The following NCKAP1L variants were observed in gnomAD, a reference collection of about 807,000 sequenced individuals.
NCKAP1L encodes nck-associated protein 1-like.
A neutral mutation model predicts 139.2 loss-of-function variants in NCKAP1L; 53 were observed. The ratio of observed to expected loss-of-function variants is 0.38; its 90% CI spans 0.31 to 0.48. The LOEUF (loss-of-function observed/expected upper bound fraction) is 0.48. Ranked by LOEUF, NCKAP1L falls within the 20% of genes least tolerant of loss-of-function variation. NCKAP1L has a pLI of 0.98. For synonymous variants in NCKAP1L, 468 were observed against 499.7 expected (o/e 0.94, Z 0.85); for missense variants, 1,151 against 1,381.9 (o/e 0.83, Z 2.65).
intron 1 of NCKAP1L, chr12:54,498,847 G>T: frequency 1.0e-6 from 1 of 982,954 alleles, no homozygotes; most frequent in East Asian, 1.1e-4. Flanking sequence ...TTGTTATTTC[G>T]CTCTTAGATA....
At position 54,540,748 on chromosome 12, in the gene NCKAP1L, C is replaced by T. The variant is rs140230335; in HGVS notation, c.3273+1775C>T. Reference sequence around the variant, plus strand: ...TCAGGTTGGAGGTGATTCTGTATTACCCACCTGTATTCTTACCTCCTTCTG... The same window carrying T: ...TCAGGTTGGAGGTGATTCTGTATTATCCACCTGTATTCTTACCTCCTTCTG... On this transcript the variant is annotated intron_variant, in intron 30 of 30. Coordinates refer to ENST00000293373, the MANE Select transcript of NCKAP1L (RefSeq NM_005337.5). Among the ~76,000 whole-genome samples, 60 of 152,286 alleles carry T rather than the reference C, an allele frequency of 3.9e-4. No homozygotes were observed. In the East Asian group the frequency reaches 8.1e-3, roughly 21 times the overall value.
At chr12:54,506,796 A>AAAAAAATATATATATATAT in intron 3 of NCKAP1L, among the ~76,000 whole-genome samples, 115 of 50,582 alleles carry the variant, frequency 2.3e-3, no homozygotes, top group African/African-American at 2.9e-3. Flanking sequence ...AAAAAAAAAA[A>AAAAAAATATATATATATAT]ATATATATAT....
At chr12:54,536,615 G>C (rs909464881) in intron 28 of NCKAP1L, 2 of 302,948 alleles carry the variant, frequency 6.6e-6, no homozygotes, top group Admixed American at 4.8e-5. Flanking sequence ...CCATGATTGC[G>C]CCACTGCACT....
chr12:54,520,500 C>T (rs571061194), intron 16 of NCKAP1L, among the ~76,000 whole-genome samples, 194 bp from the exon 17 acceptor site: 2 of 152,204 alleles, frequency 1.3e-5, no homozygotes, highest in Admixed American at 6.5e-5. Context: ...TCTTGGGTTC[C>T]GTTCTATCTT....
At chr12:54,501,768 A>G (rs1034265769) in intron 3 of NCKAP1L, among the ~76,000 whole-genome samples, 2 of 152,184 alleles carry the variant, frequency 1.3e-5, no homozygotes, top group Non-Finnish European at 2.9e-5. Context: ...GGCCTCCCAA[A>G]GGCTGGACTG....
intron 3 of NCKAP1L, among the ~76,000 whole-genome samples, chr12:54,505,137 C>A (rs1956830039): frequency 6.6e-6 from 1 of 152,188 alleles, no homozygotes; most frequent in Non-Finnish European, 1.5e-5. Flanking sequence ...TTTCTGCATT[C>A]ATTCAGCAAG....
At chr12:54,525,432 T>C (rs1957018638) in intron 20 of NCKAP1L, among the ~76,000 whole-genome samples, 1 of 152,206 alleles carries the variant, frequency 6.6e-6, no homozygotes, top group African/African-American at 2.4e-5. Flanking sequence ...GCATACACAA[T>C]GTCAGGAAGA....
intron 3 of NCKAP1L, among the ~76,000 whole-genome samples, chr12:54,505,339 A>C (rs532232317): frequency 6.6e-6 from 1 of 152,300 alleles, no homozygotes; most frequent in East Asian, 1.9e-4. Flanking sequence ...ATAAGTAAGA[A>C]GCACTTTTCC....
intron 3 of NCKAP1L, among the ~76,000 whole-genome samples, chr12:54,506,792 A>ATATATATATATATATATATAT (rs1555170876): frequency 8.6e-5 from 2 of 23,150 alleles, no homozygotes; most frequent in Admixed American, 5.9e-4. Context: ...TATTAAAAAA[A>ATATATATATATATATATATAT]AAAAATATAT....
At chr12:54,524,016 CTA>C in intron 20 of NCKAP1L, 60 bp downstream of exon 20, 1 of 1,548,548 alleles carries the variant, frequency 6.5e-7, no homozygotes, top group Admixed American at 1.8e-5. Context: ...CCATATACCT[CTA>C]TGTGTAGTAT....
At position 54,539,110 on chromosome 12, in the gene NCKAP1L, T is replaced by C. The variant is rs1957136988; in HGVS notation, c.3273+137T>C. On this transcript the variant is annotated intron_variant, in intron 30 of 30. Coordinates refer to ENST00000293373, the MANE Select transcript of NCKAP1L (RefSeq NM_005337.5). ...AAGGACTTAACTCTGCATAACCCTC[T>C]GAATGTAGTCCTCACATTCTGATTA... 7.4e-6 allele frequency: 5 copies of C among 675,102 alleles called. No homozygotes were observed. In the South Asian group the frequency reaches 8.8e-5, roughly 12 times the overall value. The allele number at this position is 675,102 out of a possible 1,614,324, so 41.8% of individuals were successfully genotyped here.
In NCKAP1L at chr12:54,497,777, C is replaced by G; in HGVS notation, c.-13C>G. The G allele has an allele frequency of 6.4e-7, 1 of 1,565,600 alleles. No individual in the cohort carries two copies. The highest frequency in any genetic ancestry group is 1.1e-5 in the South Asian group (1 of 90,020). ...AGACATTGCTGTCTGGTGCTCCTCT[C>G]TCAGTGGCCATCATGTCTTTGACAT... is the stretch of plus-strand genomic sequence containing the variant. On this transcript the variant is annotated 5_prime_UTR_variant, in exon 1 of 31. Transcript: ENST00000293373.
intron 3 of NCKAP1L, among the ~76,000 whole-genome samples, chr12:54,507,237 G>C (rs1372802036): frequency 1.3e-5 from 2 of 152,152 alleles, no homozygotes; most frequent in Non-Finnish European, 2.9e-5. Context: ...TGTGGGTGCT[G>C]ATGTTGGGGG....
At chr12:54,499,037 T>C (rs1956774855) in intron 1 of NCKAP1L, among the ~76,000 whole-genome samples, 1 of 152,070 alleles carries the variant, frequency 6.6e-6, no homozygotes, top group African/African-American at 2.4e-5. Context: ...GCGATTCTCC[T>C]GCCTCAGCCT....
chr12:54,542,698 A>C lies in NCKAP1L; in HGVS notation c.*13A>C. 1.3e-6 allele frequency: 2 copies of C among 1,530,336 alleles called. No individual in the cohort carries two copies. Among genetic ancestry groups the C allele is most frequent in the Non-Finnish European group, 1.8e-6 (2 of 1,123,402 alleles). 94.8% of individuals were successfully genotyped at this position (1,530,336 alleles called of 1,614,324 possible). On this transcript the variant is annotated 3_prime_UTR_variant, in exon 31 of 31. Coordinates refer to ENST00000293373, the MANE Select transcript of NCKAP1L (RefSeq NM_005337.5). ...CCACCTAAACTGAATGCCTGCCAGT[A>C]CCCACTGAAGAGCCCTTTGGACCTT...
chr12:54,529,907 G>A (rs764738465), intron 22 of NCKAP1L, among the ~76,000 whole-genome samples: 2 of 152,222 alleles, frequency 1.3e-5, no homozygotes, highest in Non-Finnish European at 2.9e-5. Context: ...AGATCAGTGT[G>A]TCTCCTTTCT....
At chr12:54,525,023 T>C (rs1957016292) in intron 20 of NCKAP1L, among the ~76,000 whole-genome samples, 1 of 152,182 alleles carries the variant, frequency 6.6e-6, no homozygotes, top group South Asian at 2.1e-4. Context: ...CGAACATGCC[T>C]TCTAGGTTCA....
chr12:54,539,053 C>T, intron 30 of NCKAP1L, 80 bp downstream of exon 30: 1 of 1,204,138 alleles, frequency 8.3e-7, no homozygotes, highest in Non-Finnish European at 1.2e-6. Context: ...TCTTTGCATC[C>T]TTGCCATTCT....
At chr12:54,510,213 G>A (rs555648429) in intron 7 of NCKAP1L, 33 of 589,630 alleles carry the variant, frequency 5.6e-5, no homozygotes, top group Non-Finnish European at 8.6e-5. Flanking sequence ...TAAGCAGTTA[G>A]CCTGTCCATA....
Sources: allele counts gnomAD v4.1 joint callset (sites outside exome capture counted in the v4.1 genomes callset), GRCh38; gene constraint gnomAD v4.1.1; transcripts MANE v1.5; gene names NCBI Gene and HGNC (gene_info 2026-07-23, HGNC 2026-07-21).